RMDN2: variants seen among roughly 807,000 people sequenced by gnomAD.
The protein encoded by RMDN2 is regulator of microtubule dynamics protein 2.
A neutral mutation model predicts 52.8 loss-of-function variants in RMDN2; 61 were observed. That is an observed-to-expected ratio of 1.16 (90% CI 0.94 to 1.43). RMDN2 has a LOEUF of 1.43. Ranked by LOEUF, RMDN2 falls within the 40% of genes most tolerant of loss-of-function variation. RMDN2 has a pLI of 0.00. For synonymous variants in RMDN2, 180 were observed against 153.1 expected, an observed-to-expected ratio of 1.18 and a Z score of -1.30; for missense variants, 592 against 475.3, an observed-to-expected ratio of 1.25 and a Z score of -2.28.
chr2:37,929,724 AGGAGGGTAAGTT>A lies in RMDN2; in HGVS notation c.448_452+7del. On this transcript the variant is annotated splice_donor_variant and splice_donor_5th_base_variant and coding_sequence_variant and intron_variant, in exon 2 of 11. Transcript: ENST00000354545. LOFTEE classifies it high-confidence loss of function. Reference sequence around the variant, plus strand: ...ATAGTTCAGAGGAAGCAGAAAGTGAAGGAGGGTAAGTTTCTTTAAGATATTTCCTATGTTGAA... The same window carrying A: ...ATAGTTCAGAGGAAGCAGAAAGTGAATCTTTAAGATATTTCCTATGTTGAA... 6.7e-7 allele frequency: 1 copy of A among 1,501,100 alleles called. No homozygotes were observed. The highest frequency in any genetic ancestry group is 8.9e-7 in the Non-Finnish European group (1 of 1,128,636). The allele number at this position is 1,501,100 out of a possible 1,614,324, so 93.0% of individuals were successfully genotyped here.
intron 1 of RMDN2, among the ~76,000 whole-genome samples, chr2:37,926,709 G>A (rs542420810): frequency 6.6e-6 from 1 of 152,220 alleles, no homozygotes. Context: ...AGAGGTGGAG[G>A]CAGGATTGCT....
intron 2 of RMDN2, among the ~76,000 whole-genome samples, chr2:37,963,966 C>A: frequency 6.7e-6 from 1 of 150,358 alleles, no homozygotes; most frequent in South Asian, 2.1e-4. Context: ...CCCTCCCGGA[C>A]AGGGCGGCTG....
At chr2:38,034,450 A>T (rs929611223) in intron 10 of RMDN2, among the ~76,000 whole-genome samples, 21 of 152,194 alleles carry the variant, frequency 1.4e-4, no homozygotes, top group African/African-American at 5.1e-4. Flanking sequence ...TTTCAGAGGC[A>T]AACAGGTGAA....
At chr2:38,044,254 T>C (rs1681135961) in intron 10 of RMDN2, among the ~76,000 whole-genome samples, 1 of 152,106 alleles carries the variant, frequency 6.6e-6, no homozygotes, top group Non-Finnish European at 1.5e-5. Flanking sequence ...ATGTAATTCT[T>C]ATTGTTGTCT....
intron 10 of RMDN2, among the ~76,000 whole-genome samples, chr2:38,064,421 C>T (rs1271078613): frequency 6.8e-6 from 1 of 146,370 alleles, no homozygotes; most frequent in Non-Finnish European, 1.5e-5. Context: ...ACCTGGGAGG[C>T]GGAGGTTGCA....
At chr2:38,000,296 C>A (rs1676137561) in intron 8 of RMDN2, among the ~76,000 whole-genome samples, 1 of 152,208 alleles carries the variant, frequency 6.6e-6, no homozygotes, top group South Asian at 2.1e-4. Context: ...AATGGCAGCC[C>A]AGGCCATGAC....
chr2:38,051,234 C>T (rs765867756), intron 10 of RMDN2, among the ~76,000 whole-genome samples: 3 of 145,030 alleles, frequency 2.1e-5, no homozygotes, highest in Non-Finnish European at 4.5e-5. Flanking sequence ...GCAAATTCAC[C>T]GTAAAAACAA....
At chr2:38,027,652 T>A (rs1222562414) in intron 10 of RMDN2, among the ~76,000 whole-genome samples, 1 of 152,240 alleles carries the variant, frequency 6.6e-6, no homozygotes, top group Non-Finnish European at 1.5e-5. Context: ...TTTTTATTTG[T>A]CCATTTTTCA....
upstream of RMDN2, among the ~76,000 whole-genome samples, chr2:37,924,598 C>G (rs1015669573): frequency 6.6e-6 from 1 of 151,838 alleles, no homozygotes; most frequent in African/African-American, 2.4e-5. Context: ...AATTCCTGAC[C>G]TCAGGTGATC....
rs1673955970 is a variant in RMDN2 at position 37,985,940 on chromosome 2, G to T, written c.792-3601G>T. On this transcript the variant is annotated intron_variant, in intron 5 of 10. Coordinates refer to ENST00000354545, the MANE Select transcript of RMDN2 (RefSeq NM_001170791.3). ...TGTATCAATATTGTATATCAATATTGGTACAGTTTTGACAAATGTACTGTA... is the reference window on the plus strand; with the variant it reads ...TGTATCAATATTGTATATCAATATTTGTACAGTTTTGACAAATGTACTGTA... Among the ~76,000 whole-genome samples, 4 of 151,920 alleles carry T rather than the reference G, an allele frequency of 2.6e-5. No homozygotes were observed. In the South Asian group the frequency reaches 8.3e-4, roughly 32 times the overall value.
intron 5 of RMDN2, among the ~76,000 whole-genome samples, chr2:37,982,311 A>G (rs1673430719): frequency 6.6e-6 from 1 of 152,130 alleles, no homozygotes; most frequent in Admixed American, 6.6e-5. Context: ...ACAAACTCTC[A>G]CTTAAAATTC....
intron 10 of RMDN2, among the ~76,000 whole-genome samples, chr2:38,007,615 C>G (rs1466466368): frequency 5.9e-5 from 9 of 152,082 alleles, no homozygotes; most frequent in East Asian, 3.9e-4. Context: ...TATTAGTCTT[C>G]CTAGAGGTCT....
chr2:37,949,146 T>TA (rs1668485041), intron 2 of RMDN2, among the ~76,000 whole-genome samples: 1 of 152,224 alleles, frequency 6.6e-6, no homozygotes, highest in African/African-American at 2.4e-5. Context: ...AATAGATTGC[T>TA]ACAGAGACAG....
chr2:38,035,557 A>G (rs1680516883), intron 10 of RMDN2, among the ~76,000 whole-genome samples: 1 of 152,224 alleles, frequency 6.6e-6, no homozygotes, highest in African/African-American at 2.4e-5. Flanking sequence ...ATCATACTCA[A>G]AGAAATATGA....
At chr2:37,983,033 A>G (rs1246675081) in intron 5 of RMDN2, among the ~76,000 whole-genome samples, 1 of 149,490 alleles carries the variant, frequency 6.7e-6, no homozygotes, top group Non-Finnish European at 1.5e-5. Context: ...CTCCTCCCCT[A>G]CTCTTCCTGT....
At chr2:37,972,471 G>A (rs776956780) in intron 2 of RMDN2, among the ~76,000 whole-genome samples, 2 of 152,212 alleles carry the variant, frequency 1.3e-5, no homozygotes, top group Non-Finnish European at 2.9e-5. Flanking sequence ...GCAGGAAAGT[G>A]ATAGAAGATA....
intron 10 of RMDN2, among the ~76,000 whole-genome samples, chr2:38,045,361 G>A (rs1186966186): frequency 2.6e-5 from 4 of 152,172 alleles, no homozygotes; most frequent in Non-Finnish European, 1.5e-5. Context: ...TCTTAGCACA[G>A]GCTTAACAGA....
rs775198653 is a variant in RMDN2 at position 37,991,203 on chromosome 2, T to C, written c.868-17T>C. On this transcript the variant is annotated splice_polypyrimidine_tract_variant and intron_variant, in intron 6 of 10. Transcript: ENST00000354545. ...CTGAAACTTGGGAGATGATTTTCCT[T>C]TGGATGCTTTTTTCAGGAACATCTA... 2 of 1,487,456 alleles carry C rather than the reference T, an allele frequency of 1.3e-6. No individual in the cohort carries two copies. Among genetic ancestry groups the C allele is most frequent in the South Asian group, 1.2e-5 (1 of 80,222 alleles). 92.1% of individuals were successfully genotyped at this position (1,487,456 alleles called of 1,614,324 possible).
chr2:37,957,588 G>T (rs1385499443), intron 2 of RMDN2, among the ~76,000 whole-genome samples: 1 of 152,200 alleles, frequency 6.6e-6, no homozygotes, highest in African/African-American at 2.4e-5. Flanking sequence ...CTGCCATTCT[G>T]TAGGTTGCCT....
Sources: gnomAD v4.1 joint callset for allele counts (sites outside exome capture counted in the v4.1 genomes callset) on GRCh38, gnomAD v4.1.1 for gene constraint, MANE v1.5 for transcripts, NCBI Gene and HGNC (gene_info 2026-07-23, HGNC 2026-07-21) for gene names.